The following IFIH1 variants were observed in gnomAD, a reference collection of about 807,000 sequenced individuals.
The protein encoded by IFIH1 is interferon induced with helicase C domain 1, also known as interferon-induced helicase C domain-containing protein 1.
Under a neutral mutation model 107.4 loss-of-function variants are expected in IFIH1, and 125 were observed. The observed-to-expected ratio is 1.16, with a 90% CI of 1.01 to 1.35. IFIH1 has a LOEUF of 1.35. Among genes scored for constraint, IFIH1 ranks in the 40% most tolerant of loss-of-function variants. The probability of loss-of-function intolerance (pLI) is 0.00; values close to 1 mark genes in which losing one functional copy is unlikely to be tolerated. For missense variants in IFIH1, 1,333 were observed against 1,213.7 expected (o/e 1.10, Z -1.46); for synonymous variants, 458 against 413.2 (o/e 1.11, Z -1.31).
Position 162,272,258 on chromosome 2 carries a change from G to T in IFIH1, c.2584C>A (p.Gln862Lys). 6.2e-7 allele frequency: 1 copy of T among 1,612,334 alleles called. No individual in the cohort carries two copies. The highest frequency in any genetic ancestry group is 1.1e-5 in the South Asian group (1 of 90,894). The change falls in exon 13 of 16, where the codon CAA becomes AAA. Residue 862 changes from glutamine to lysine, a missense_variant. Physicochemically the swap from Gln to Lys is moderately conservative, Grantham distance 53. Transcript: ENST00000649979. The part of the protein sequence containing the change: ...KMMYKAIHCV[Q>K]NMKPEEYAHK... The stretch of plus-strand genomic sequence containing the variant: ...GCATACTCCTCTGGTTTCATATTTT[G>T]AACACAATGTATAGCTTTATACATC...
intron 4 of IFIH1, among the ~76,000 whole-genome samples, chr2:162,290,482 C>A (rs1470059041): frequency 6.6e-6 from 1 of 151,804 alleles, no homozygotes; most frequent in Non-Finnish European, 1.5e-5. Flanking sequence ...ATTGTGTTTA[C>A]AATTTAACTT....
intron 1 of IFIH1, among the ~76,000 whole-genome samples, chr2:162,316,623 A>G (rs1683491608): frequency 6.6e-6 from 1 of 152,186 alleles, no homozygotes; most frequent in Non-Finnish European, 1.5e-5. Context: ...AGTTTGTATG[A>G]ATATACAAAC....
intron 11 of IFIH1, among the ~76,000 whole-genome samples, chr2:162,276,340 T>G (rs1288687355): frequency 6.6e-6 from 1 of 152,192 alleles, no homozygotes; most frequent in Non-Finnish European, 1.5e-5. Flanking sequence ...CAGTGGCTCG[T>G]GCCTATAATC....
rs778858888 is a variant in IFIH1, at chr2:162,318,299, A to G, written c.9T>C (p.Asn3=). 1 of 1,610,542 alleles carries G rather than the reference A, an allele frequency of 6.2e-7. No homozygotes were observed. The highest frequency in any genetic ancestry group is 8.5e-7 in the Non-Finnish European group (1 of 1,177,282). Residue 3 remains asparagine, a synonymous_variant, in exon 1 of 16, where the codon AAT becomes AAC. Coordinates refer to ENST00000649979, the MANE Select transcript of IFIH1 (RefSeq NM_022168.4). MS[N]GYSTDENFRY... is the part of the protein sequence containing the mutation. The stretch of plus-strand genomic sequence containing the variant: ...GGAAATTCTCGTCTGTGGAATACCC[A>G]TTCGACATCTTTCTTTCTCAGAGAA...
At chr2:162,303,291 T>C (rs1020006246) in intron 3 of IFIH1, among the ~76,000 whole-genome samples, 3 of 152,182 alleles carry the variant, frequency 2.0e-5, no homozygotes, top group African/African-American at 7.2e-5. Flanking sequence ...AGTTTTTGTA[T>C]TTTTAATACA....
In IFIH1 at chr2:162,288,242, G is replaced by A. The variant is rs141848057; in HGVS notation, c.988C>T (p.Pro330Ser). The A allele has an allele frequency of 9.7e-5, 156 of 1,612,588 alleles. No individual in the cohort carries two copies. Among genetic ancestry groups the A allele is most frequent in the Non-Finnish European group, 7.5e-5 (88 of 1,179,152 alleles). Reference sequence around the variant, plus strand: ...ACTCTGGTTTTTCCACTCCCTGTAGGGAGGCAGATGATGATATTCTTCCCT... The same window carrying A: ...ACTCTGGTTTTTCCACTCCCTGTAGAGAGGCAGATGATGATATTCTTCCCT... ...LEGKNIIICL[P>S]TGSGKTRVAV... is the part of the protein sequence containing the mutation. Residue 330 changes from proline to serine, a missense_variant, in exon 5 of 16, where the codon CCT becomes TCT. Transcript: ENST00000649979.
rs1426649336 is a variant in IFIH1 at position 162,280,019 on chromosome 2, C to A, written c.1618G>T (p.Ala540Ser). ...NQIQEPCKKF[A>S]IADATREDPF... is the part of the protein sequence containing the mutation. The stretch of plus-strand genomic sequence containing the variant: ...ACTTCTCTGGTTGCATCTGCAATGG[C>A]AAACTTCTTGCATGGCTCCTGTATT... The change falls in exon 8 of 16, where the codon GCC becomes TCC. Residue 540 changes from alanine (A) to serine (S), a missense_variant. Ala to Ser is a moderately conservative substitution (Grantham distance 99). Transcript: ENST00000649979. 1 of 1,606,712 alleles carries A rather than the reference C, an allele frequency of 6.2e-7. No individual in the cohort carries two copies. The highest frequency in any genetic ancestry group is 1.7e-4 in the Middle Eastern group (1 of 6,030).
chr2:162,309,082 G>T (rs1317601975), intron 2 of IFIH1, among the ~76,000 whole-genome samples: 1 of 152,190 alleles, frequency 6.6e-6, no homozygotes, highest in East Asian at 1.9e-4. Flanking sequence ...ATATAGGAAA[G>T]AAAGCAAGGG....
At chr2:162,296,458 A>ATGAAAC (rs1378635394) in intron 3 of IFIH1, among the ~76,000 whole-genome samples, 29 of 152,258 alleles carry the variant, frequency 1.9e-4, no homozygotes, top group African/African-American at 6.7e-4. Context: ...GTGAGAAACC[A>ATGAAAC]AGGCGCTGAG....
At chr2:162,281,128 T>C (rs1405843541) in intron 7 of IFIH1, among the ~76,000 whole-genome samples, 200 bp downstream of exon 7, 1 of 152,032 alleles carries the variant, frequency 6.6e-6, no homozygotes, top group African/African-American at 2.4e-5. Context: ...ATTTTTATGA[T>C]ATGATTTTGT....
At chr2:162,312,729 G>A (rs1683402626) in intron 1 of IFIH1, among the ~76,000 whole-genome samples, 1 of 152,044 alleles carries the variant, frequency 6.6e-6, no homozygotes, top group East Asian at 1.9e-4. Flanking sequence ...CTTCCCTGAT[G>A]TTGTAACATC....
chr2:162,275,411 A>T (rs1469949497), intron 11 of IFIH1, among the ~76,000 whole-genome samples: 1 of 152,192 alleles, frequency 6.6e-6, no homozygotes, highest in Non-Finnish European at 1.5e-5. Flanking sequence ...GTGAGACTGA[A>T]CTTGAGTTTT....
Position 162,317,990 on chromosome 2 carries a change from C to G in IFIH1, c.318G>C (p.Ser106=), listed in dbSNP as rs1279870464. 6.2e-7 allele frequency: 1 copy of G among 1,614,174 alleles called. No homozygotes were observed. The highest frequency in any genetic ancestry group is 8.5e-7 in the Non-Finnish European group (1 of 1,180,038). Residue 106 remains serine (S), a synonymous_variant, in exon 1 of 16, where the codon TCG becomes TCC. Transcript: ENST00000649979. ...NPELTDLPSP[S]FENAHDEYLQ... is the part of the protein sequence containing the mutation. ...GATATTCATCATGAGCGTTCTCAAA[C>G]GATGGAGAGGGCAAGTCCGTGAGCT...
chr2:162,312,424 A>G (rs748964528), intron 1 of IFIH1, among the ~76,000 whole-genome samples: 40 of 152,154 alleles, frequency 2.6e-4, no homozygotes, highest in Non-Finnish European at 5.7e-4. Context: ...AGGCACAGAG[A>G]TGTTTAGGTA....
rs144171599 is a variant in IFIH1 at position 162,297,076 on chromosome 2, A to G, written c.770-3408T>C. Among the ~76,000 whole-genome samples the G allele has an allele frequency of 3.1e-3, 467 of 152,148 alleles. 2 individuals are homozygous for G. The highest frequency in any genetic ancestry group is 0.011 in the African/African-American group (440 of 41,542). ...TTAATAATAAAAGAAAATATATTGT[A>G]TTTCTTATAATAGGGAGAATGCCTT... On this transcript the variant is annotated intron_variant, in intron 3 of 15. Transcript: ENST00000649979.
intron 8 of IFIH1, 124 bp downstream of exon 8, chr2:162,279,872 C>T (rs1229325624): frequency 3.0e-6 from 2 of 672,414 alleles, no homozygotes; most frequent in Non-Finnish European, 5.2e-6. Context: ...AAAAAAAAAC[C>T]TGAAACTTGT....
intron 1 of IFIH1, among the ~76,000 whole-genome samples, chr2:162,311,189 A>T (rs901956107): frequency 1.3e-5 from 2 of 152,138 alleles, no homozygotes; most frequent in Non-Finnish European, 2.9e-5. Context: ...CATTTTTTTT[A>T]AAAGCTATTG....
rs143870870 is a variant in IFIH1 at position 162,318,050 on chromosome 2, G to C, written c.258C>G (p.Thr86=). The C allele has an allele frequency of 8.2e-4, 1,331 of 1,614,146 alleles. 8 individuals carry two copies. In the African/African-American group the frequency reaches 0.016, roughly 19 times the overall value. The change falls in exon 1 of 16, where the codon ACC becomes ACG. Residue 86 remains threonine, a synonymous_variant. Coordinates refer to ENST00000649979, the MANE Select transcript of IFIH1 (RefSeq NM_022168.4). ...TGTAGCGGGCGGCCAGAGGGCTGCC[G>C]GTTCTCCGGAGGGCCTCCACGAATT... ...TREFVEALRR[T]GSPLAARYMN... is the part of the protein sequence containing the mutation.
At chr2:162,312,110 T>C (rs1683393769) in intron 1 of IFIH1, among the ~76,000 whole-genome samples, 1 of 152,234 alleles carries the variant, frequency 6.6e-6, no homozygotes, top group Non-Finnish European at 1.5e-5. Context: ...AGTTCTTTCC[T>C]ACAAATTTAT....
Sources: gnomAD v4.1 joint callset for allele counts (sites outside exome capture counted in the v4.1 genomes callset) on GRCh38, gnomAD v4.1.1 for gene constraint, MANE v1.5 for transcripts, NCBI Gene and HGNC (gene_info 2026-07-23, HGNC 2026-07-21) for gene names.